Variants in MEI4 observed in about 807,000 individuals in gnomAD.
MEI4 encodes the protein meiotic double-stranded break formation protein 4, also known as meiosis-specific protein MEI4.
A neutral mutation model predicts 31.4 loss-of-function variants in MEI4; 27 were observed. The observed-to-expected ratio is 0.86, with a 90% CI of 0.63 to 1.19. The LOEUF (loss-of-function observed/expected upper bound fraction) is 1.19, where lower values mean the gene tolerates loss of function less well. Ranked by LOEUF, MEI4 falls within the 50% of genes most tolerant of loss-of-function variation. The pLI is 0.00. For missense variants in MEI4, 329 were observed against 398.9 expected (o/e 0.82, Z 1.49); for synonymous variants, 122 against 145.4 (o/e 0.84, Z 1.16).
intron 2 of MEI4, among the ~76,000 whole-genome samples, chr6:77,706,728 T>A (rs935943302): frequency 6.6e-6 from 1 of 152,120 alleles, no homozygotes; most frequent in African/African-American, 2.4e-5. Context: ...TATGAGTTCA[T>A]GTGAGCTCTG....
At chr6:77,799,344 G>GT (rs1461694367) in intron 3 of MEI4, among the ~76,000 whole-genome samples, 1 of 151,984 alleles carries the variant, frequency 6.6e-6, no homozygotes, top group African/African-American at 2.4e-5. Flanking sequence ...GGGGTTGTTT[G>GT]TTTTTTTCTT....
At chr6:77,864,723 A>T (rs10943497) in intron 4 of MEI4, among the ~76,000 whole-genome samples, 58,880 of 152,058 alleles carry the variant, frequency 0.39, 12,380 homozygotes, top group African/African-American at 0.57. Flanking sequence ...GCTCTGCACT[A>T]AGCAGACCTA....
chr6:77,757,613 T>G (rs1445624550), intron 2 of MEI4, among the ~76,000 whole-genome samples: 1 of 152,210 alleles, frequency 6.6e-6, no homozygotes, highest in Non-Finnish European at 1.5e-5. Context: ...TTCTTCCCAA[T>G]TTATCCATTG....
chr6:77,675,847 A>C (rs932444808), intron 1 of MEI4, among the ~76,000 whole-genome samples: 24 of 152,202 alleles, frequency 1.6e-4, no homozygotes, highest in African/African-American at 3.9e-4. Flanking sequence ...AAGGAAGAAG[A>C]AGCCTAGGCT....
chr6:77,732,743 A>T, intron 2 of MEI4, among the ~76,000 whole-genome samples: 1 of 152,064 alleles, frequency 6.6e-6, no homozygotes, highest in African/African-American at 2.4e-5. Context: ...TTGCCCATTC[A>T]GTATGATATT....
chr6:77,849,405 A>G (rs1364694295), intron 4 of MEI4, among the ~76,000 whole-genome samples: 1 of 152,160 alleles, frequency 6.6e-6, no homozygotes, highest in Non-Finnish European at 1.5e-5. Context: ...TGATGGCACA[A>G]TAAGGTGCCT....
intron 3 of MEI4, among the ~76,000 whole-genome samples, chr6:77,816,095 C>T (rs773659673): frequency 2.0e-5 from 3 of 152,066 alleles, no homozygotes; most frequent in Non-Finnish European, 2.9e-5. Flanking sequence ...CAGGAAATCT[C>T]TATCCTTATG....
At chr6:77,914,468 A>AT (rs34530433) in intron 4 of MEI4, among the ~76,000 whole-genome samples, 9 of 151,366 alleles carry the variant, frequency 5.9e-5, no homozygotes, top group South Asian at 4.2e-4. Flanking sequence ...CTTAATACTA[A>AT]TTTTTTTTTA....
intron 3 of MEI4, among the ~76,000 whole-genome samples, chr6:77,792,650 G>A (rs1490099080): frequency 6.6e-6 from 1 of 150,754 alleles, no homozygotes; most frequent in Non-Finnish European, 1.5e-5. Flanking sequence ...GTTGATTTTT[G>A]TATATGATGT....
chr6:77,765,423 A>G (rs746708959), intron 3 of MEI4, among the ~76,000 whole-genome samples: 13 of 151,138 alleles, frequency 8.6e-5, no homozygotes, highest in Non-Finnish European at 1.8e-4. Flanking sequence ...TTTAAATTTT[A>G]TTATTATTAT....
Position 77,924,183 on chromosome 6 carries a change from C to G in MEI4, c.*837C>G, listed in dbSNP as rs1363362594. 6.6e-6 allele frequency: 1 copy of G among 151,758 alleles called. No homozygotes were observed. The highest frequency in any genetic ancestry group is 1.9e-4 in the East Asian group (1 of 5,166). 9.4% of individuals were successfully genotyped at this position (151,758 alleles called of 1,614,324 possible). On this transcript the variant is annotated 3_prime_UTR_variant, in exon 5 of 5. Coordinates refer to ENST00000684080, the MANE Select transcript of MEI4 (RefSeq NM_001322247.2). ...CAATGATTAAAATCATAACCGCAAA[C>G]TTAATGAGCATATGTTACATTTCCT... is the stretch of plus-strand genomic sequence containing the variant.
chr6:77,691,958 A>G (rs1413124835), intron 2 of MEI4, among the ~76,000 whole-genome samples: 1 of 152,014 alleles, frequency 6.6e-6, no homozygotes, highest in Non-Finnish European at 1.5e-5. Flanking sequence ...TTCTTTGCAT[A>G]AAACTCTTCC....
intron 4 of MEI4, among the ~76,000 whole-genome samples, chr6:77,855,174 C>G (rs1770716625): frequency 6.6e-6 from 1 of 151,954 alleles, no homozygotes; most frequent in African/African-American, 2.4e-5. Context: ...GAAACCCTGT[C>G]TCTACTAAAA....
intron 4 of MEI4, among the ~76,000 whole-genome samples, chr6:77,872,479 A>C (rs1771219095): frequency 6.6e-6 from 1 of 152,144 alleles, no homozygotes; most frequent in Non-Finnish European, 1.5e-5. Flanking sequence ...ATGAATGAAT[A>C]CAAAGTTGCT....
At chr6:77,772,479 A>G (rs1428384143) in intron 3 of MEI4, among the ~76,000 whole-genome samples, 1 of 152,034 alleles carries the variant, frequency 6.6e-6, no homozygotes, top group African/African-American at 2.4e-5. Flanking sequence ...TGATTATTTC[A>G]ATTGGTGTGG....
intron 1 of MEI4, among the ~76,000 whole-genome samples, chr6:77,686,960 G>C (rs1769069561): frequency 6.8e-6 from 1 of 146,082 alleles, no homozygotes; most frequent in Non-Finnish European, 1.5e-5. Context: ...TAAAATACTT[G>C]ATGGTTCAGA....
chr6:77,700,177 T>G (rs1766181690), intron 2 of MEI4, among the ~76,000 whole-genome samples: 1 of 152,228 alleles, frequency 6.6e-6, no homozygotes, highest in South Asian at 2.1e-4. Context: ...TGTTTGTCTG[T>G]GCCCTGCCCC....
chr6:77,727,143 C>T (rs1423823647), intron 2 of MEI4, among the ~76,000 whole-genome samples: 1 of 152,044 alleles, frequency 6.6e-6, no homozygotes, highest in African/African-American at 2.4e-5. Context: ...TGATTCTGGA[C>T]CCTCCAGGGT....
At chr6:77,853,253 A>G (rs1770673062) in intron 4 of MEI4, among the ~76,000 whole-genome samples, 2 of 152,184 alleles carry the variant, frequency 1.3e-5, no homozygotes, top group South Asian at 4.1e-4. Flanking sequence ...TGGTTTTCTA[A>G]TACCTAGAGC....
Sources: allele counts gnomAD v4.1 joint callset (sites outside exome capture counted in the v4.1 genomes callset), GRCh38; gene constraint gnomAD v4.1.1; transcripts MANE v1.5; gene names NCBI Gene and HGNC (gene_info 2026-07-23, HGNC 2026-07-21).